Variants in UBE2H observed in about 807,000 individuals in gnomAD.
UBE2H encodes ubiquitin conjugating enzyme E2 H, also known as ubiquitin-conjugating enzyme E2 H.
In UBE2H, 3 loss-of-function variants were observed where a neutral mutation model predicts 29.0. That is an observed-to-expected ratio of 0.10 (90% CI 0.05 to 0.27). UBE2H has a LOEUF of 0.27. Ranked by LOEUF, UBE2H falls within the 10% of genes least tolerant of loss-of-function variation. UBE2H has a pLI of 1.00. For synonymous variants in UBE2H, 69 were observed against 82.9 expected (o/e 0.83, Z 0.91); for missense variants, 68 against 228.2 (o/e 0.30, Z 4.52).
chr7:129,839,436 C>A, intron 5 of UBE2H, 101 bp from the exon 6 acceptor site: 1 of 1,517,222 alleles, frequency 6.6e-7, no homozygotes, highest in Non-Finnish European at 9.0e-7. Context: ...GATATTCACA[C>A]GGGGATGATT....
chr7:129,835,508 G>A (rs1805306854), intron 6 of UBE2H, among the ~76,000 whole-genome samples: 1 of 152,088 alleles, frequency 6.6e-6, no homozygotes, highest in South Asian at 2.1e-4. Flanking sequence ...ATTATTTTAG[G>A]AATCGATTTT....
At chr7:129,934,328 A>G (rs775812580) in intron 1 of UBE2H, among the ~76,000 whole-genome samples, 7 of 151,658 alleles carry the variant, frequency 4.6e-5, no homozygotes, top group Non-Finnish European at 7.4e-5. Flanking sequence ...CTTTAAAAAC[A>G]AAAAAGAACA....
intron 1 of UBE2H, among the ~76,000 whole-genome samples, chr7:129,947,625 T>C (rs1379942285): frequency 2.6e-5 from 4 of 152,174 alleles, no homozygotes; most frequent in African/African-American, 4.8e-5. Flanking sequence ...CCCATATACA[T>C]CCTAGCACAC....
intron 1 of UBE2H, among the ~76,000 whole-genome samples, chr7:129,936,866 T>C (rs1807540907): frequency 7.2e-6 from 1 of 139,544 alleles, no homozygotes. Context: ...TAATCCCAGC[T>C]ACCCAGGAGG....
chr7:129,904,962 T>C (rs955174952), intron 1 of UBE2H, among the ~76,000 whole-genome samples: 15 of 151,894 alleles, frequency 9.9e-5, no homozygotes, highest in Non-Finnish European at 1.3e-4. Context: ...AGATTAGCAT[T>C]TTGCTCTTAT....
At chr7:129,872,452 T>G (rs1373133398) in intron 3 of UBE2H, among the ~76,000 whole-genome samples, 1 of 151,640 alleles carries the variant, frequency 6.6e-6, no homozygotes, top group African/African-American at 2.4e-5. Context: ...CTGGCCAGAG[T>G]GAAATAAAAA....
chr7:129,836,396 G>A (rs911201053), intron 6 of UBE2H, among the ~76,000 whole-genome samples: 8 of 152,184 alleles, frequency 5.3e-5, no homozygotes, highest in African/African-American at 1.9e-4. Flanking sequence ...ATGAGGAGGA[G>A]GAAACAGAGG....
rs2116246454 is a variant in UBE2H, at chr7:129,832,774, C to T, written c.*2163G>A. Reference sequence around the variant, plus strand: ...TTATTTTTTTTTAAGGTAATTAGAACACTATTGTTTATACAATATTGAAAA... The same window carrying T: ...TTATTTTTTTTTAAGGTAATTAGAATACTATTGTTTATACAATATTGAAAA... On this transcript the variant is annotated 3_prime_UTR_variant, in exon 7 of 7. Transcript: ENST00000355621. 1 of 152,166 alleles carries T rather than the reference C, an allele frequency of 6.6e-6. No homozygotes were observed. Among genetic ancestry groups the T allele is most frequent in the Non-Finnish European group, 1.5e-5 (1 of 68,010 alleles). The allele number at this position is 152,166 out of a possible 1,614,324, so 9.4% of individuals were successfully genotyped here.
At chr7:129,858,768 A>G (rs1805750801) in intron 4 of UBE2H, 134 bp downstream of exon 4, 2 of 751,226 alleles carry the variant, frequency 2.7e-6, no homozygotes, top group Non-Finnish European at 4.4e-6. Flanking sequence ...GGATTCTATC[A>G]TTTACATGAC....
intron 1 of UBE2H, among the ~76,000 whole-genome samples, chr7:129,944,532 G>C (rs1205281590): frequency 1.3e-5 from 2 of 152,072 alleles, no homozygotes; most frequent in Non-Finnish European, 2.9e-5. Flanking sequence ...AAGGCCAGAG[G>C]ATCACTTAAG....
chr7:129,932,233 C>G (rs1209713320), intron 1 of UBE2H, among the ~76,000 whole-genome samples: 1 of 151,260 alleles, frequency 6.6e-6, no homozygotes, highest in South Asian at 2.1e-4. Context: ...ACACCATTCT[C>G]CTGCCTCAGC....
At chr7:129,927,961 G>A (rs1012525975) in intron 1 of UBE2H, among the ~76,000 whole-genome samples, 4 of 150,668 alleles carry the variant, frequency 2.7e-5, no homozygotes, top group Admixed American at 1.3e-4. Context: ...TTTGGGAGGC[G>A]GGTCAGTTGA....
chr7:129,876,494 A>G (rs753370253), intron 3 of UBE2H, among the ~76,000 whole-genome samples: 2 of 152,234 alleles, frequency 1.3e-5, no homozygotes, highest in Non-Finnish European at 2.9e-5. Flanking sequence ...AAAATTATGC[A>G]AATATTCAGC....
chr7:129,932,192 C>T (rs1328307159), intron 1 of UBE2H, among the ~76,000 whole-genome samples: 6 of 150,228 alleles, frequency 4.0e-5, no homozygotes, highest in Admixed American at 3.3e-4. Context: ...GGCGCAATCT[C>T]GGCTCACTGC....
chr7:129,925,823 G>T (rs147509405), intron 1 of UBE2H, among the ~76,000 whole-genome samples: 1 of 152,306 alleles, frequency 6.6e-6, no homozygotes, highest in South Asian at 2.1e-4. Context: ...ATGCACTGAA[G>T]AGGGCTGGGA....
intron 1 of UBE2H, among the ~76,000 whole-genome samples, chr7:129,883,354 C>T (rs1211020279): frequency 6.6e-6 from 1 of 152,162 alleles, no homozygotes; most frequent in Non-Finnish European, 1.5e-5. Flanking sequence ...CATATGCATA[C>T]CCTATGCCTG....
At chr7:129,861,170 G>A (rs533184288) in intron 3 of UBE2H, among the ~76,000 whole-genome samples, 1 of 151,784 alleles carries the variant, frequency 6.6e-6, no homozygotes, top group Non-Finnish European at 1.5e-5. Flanking sequence ...CTTGCAGTGA[G>A]CCAAGATCAC....
At position 129,832,015 on chromosome 7, in the gene UBE2H, G is replaced by A. The variant is rs1259961102; in HGVS notation, c.*2922C>T. The A allele has an allele frequency of 6.6e-6, 1 of 152,260 alleles. No individual in the cohort carries two copies. The highest frequency in any genetic ancestry group is 6.5e-5 in the Admixed American group (1 of 15,278). 9.4% of individuals were successfully genotyped at this position (152,260 alleles called of 1,614,324 possible). A position where few individuals can be genotyped will look rare whatever the true frequency, so the allele number is the denominator to read the frequency against. On this transcript the variant is annotated 3_prime_UTR_variant, in exon 7 of 7. Coordinates refer to ENST00000355621, the MANE Select transcript of UBE2H (RefSeq NM_003344.4). ...CACCACCTCTAAAGCCAAGAATGTA[G>A]AGCCTCTGCCCAGGGATCTGGATGC...
intron 1 of UBE2H, among the ~76,000 whole-genome samples, chr7:129,890,043 G>A (rs1806442747): frequency 6.6e-6 from 1 of 152,048 alleles, no homozygotes. Context: ...TGAGGCAAGA[G>A]GATTGCTGGA....
Sources: gnomAD v4.1 joint callset for allele counts (sites outside exome capture counted in the v4.1 genomes callset) on GRCh38, gnomAD v4.1.1 for gene constraint, MANE v1.5 for transcripts, NCBI Gene and HGNC (gene_info 2026-07-23, HGNC 2026-07-21) for gene names.